Variants in TMEM272 observed in about 807,000 individuals in gnomAD.
TMEM272 encodes transmembrane protein 272.
TMEM272 carries 8 observed loss-of-function variants against 3.7 expected under a neutral mutation model. The observed-to-expected ratio is 2.17, with a 90% confidence interval of 1.27 to 3.91. The LOEUF (loss-of-function observed/expected upper bound fraction) is 3.91. Ranked by LOEUF, TMEM272 falls within the 30% of genes most tolerant of loss-of-function variation. The pLI, the probability that TMEM272 is intolerant of heterozygous loss-of-function variation, is 0.00. For missense variants in TMEM272, 166 were observed against 91.5 expected (o/e 1.81, Z -3.32); for synonymous variants, 63 against 39.8 (o/e 1.58, Z -2.20).
chr13:51,905,955 T>A, the TMEM272 span, among the ~76,000 whole-genome samples: 1 of 152,124 alleles, frequency 6.6e-6, no homozygotes, highest in Non-Finnish European at 1.5e-5. Context: ...GCAGAACAAA[T>A]GACTCACCAG....
chr13:51,919,183 G>A, the TMEM272 span, among the ~76,000 whole-genome samples: 3 of 152,144 alleles, frequency 2.0e-5, no homozygotes, highest in African/African-American at 7.2e-5. Flanking sequence ...CTGTGAAGGT[G>A]AGCCAATGCT....
intron 3 of TMEM272, among the ~76,000 whole-genome samples, chr13:51,826,180 C>A (rs1242285095): frequency 2.7e-5 from 4 of 150,078 alleles, no homozygotes; most frequent in Non-Finnish European, 4.4e-5. Flanking sequence ...CCATACATCA[C>A]CTAACGCCAG....
upstream of TMEM272, among the ~76,000 whole-genome samples, chr13:51,847,602 G>A (rs1956313238): frequency 6.6e-6 from 1 of 152,160 alleles, no homozygotes. Context: ...ATATACCCAT[G>A]GTTCAGTGAT....
At chr13:51,851,673 C>T in the TMEM272 span, among the ~76,000 whole-genome samples, 34 of 152,016 alleles carry the variant, frequency 2.2e-4, no homozygotes, top group East Asian at 3.9e-4. Flanking sequence ...TACAGGCGCA[C>T]GCCACCATGT....
chr13:51,851,683 T>C, the TMEM272 span, among the ~76,000 whole-genome samples: 146,444 of 152,198 alleles, frequency 0.96, 70,472 homozygotes, highest in East Asian at 1. Context: ...CGCCACCATG[T>C]CCAACTAATT....
intron 4 of TMEM272, among the ~76,000 whole-genome samples, chr13:51,820,840 G>A (rs1956072431): frequency 6.6e-6 from 1 of 152,186 alleles, no homozygotes; most frequent in African/African-American, 2.4e-5. Flanking sequence ...GATCCCATGG[G>A]GATGTTGTGA....
chr13:51,819,039 C>T (rs139859612), intron 4 of TMEM272, among the ~76,000 whole-genome samples: 168 of 152,204 alleles, frequency 1.1e-3, no homozygotes, highest in Non-Finnish European at 1.8e-3. Context: ...ACTTGCAGCC[C>T]GGCTGGGAGG....
chr13:51,915,019 C>A, the TMEM272 span, among the ~76,000 whole-genome samples: 1 of 152,252 alleles, frequency 6.6e-6, no homozygotes, highest in African/African-American at 2.4e-5. Flanking sequence ...AAATTAGGTA[C>A]AAAAGTGATG....
chr13:51,890,911 A>C, the TMEM272 span, among the ~76,000 whole-genome samples: 1 of 152,210 alleles, frequency 6.6e-6, no homozygotes, highest in Non-Finnish European at 1.5e-5. Flanking sequence ...AATAAAAGCC[A>C]ATTAGATCTT....
chr13:51,870,270 ACTAT>A, the TMEM272 span, among the ~76,000 whole-genome samples: 3,038 of 152,278 alleles, frequency 0.02, 125 homozygotes, highest in African/African-American at 0.069. Context: ...TGTGTGTGTG[ACTAT>A]CTATTTAACC....
intron 4 of TMEM272, among the ~76,000 whole-genome samples, chr13:51,818,945 T>G (rs1437484780): frequency 4.6e-5 from 7 of 152,050 alleles, no homozygotes; most frequent in Non-Finnish European, 1.5e-5. Flanking sequence ...AGGGCAGTGG[T>G]CCACACCTCT....
At chr13:51,925,267 T>C in the TMEM272 span, among the ~76,000 whole-genome samples, 1 of 152,194 alleles carries the variant, frequency 6.6e-6, no homozygotes, top group Non-Finnish European at 1.5e-5. Flanking sequence ...TCACATTTCA[T>C]CGACTGACTT....
At chr13:51,871,768 AGAT>A in the TMEM272 span, among the ~76,000 whole-genome samples, 1 of 150,730 alleles carries the variant, frequency 6.6e-6, no homozygotes, top group Non-Finnish European at 1.5e-5. Flanking sequence ...ATGCAAAAAT[AGAT>A]AATAATCTCC....
the TMEM272 span, among the ~76,000 whole-genome samples, chr13:51,855,455 G>C: frequency 6.6e-6 from 1 of 151,822 alleles, no homozygotes; most frequent in South Asian, 2.1e-4. Flanking sequence ...AAAACCAAGA[G>C]GGAAAAAAAG....
chr13:51,870,742 C>T, the TMEM272 span, among the ~76,000 whole-genome samples: 18 of 152,180 alleles, frequency 1.2e-4, no homozygotes, highest in Non-Finnish European at 1.6e-4. Context: ...TACAGAGCCA[C>T]CTCCCTCTCA....
At chr13:51,859,819 A>G in the TMEM272 span, among the ~76,000 whole-genome samples, 1 of 152,212 alleles carries the variant, frequency 6.6e-6, no homozygotes, top group Admixed American at 6.5e-5. Context: ...TGAGGCATAA[A>G]GAAACAGGAA....
At chr13:51,863,395 G>A in the TMEM272 span, among the ~76,000 whole-genome samples, 2 of 152,214 alleles carry the variant, frequency 1.3e-5, no homozygotes, top group African/African-American at 2.4e-5. Context: ...AGGGGCAGAT[G>A]AGAGGGTAAG....
the TMEM272 span, among the ~76,000 whole-genome samples, chr13:51,882,762 A>C: frequency 1.3e-5 from 2 of 151,630 alleles, no homozygotes; most frequent in Admixed American, 6.6e-5. Context: ...TAACAAATAA[A>C]AAATATAAAA....
the TMEM272 span, chr13:51,921,679 C>T: frequency 6.6e-6 from 1 of 152,402 alleles, no homozygotes; most frequent in Non-Finnish European, 1.5e-5. Flanking sequence ...CTCTGGGCAA[C>T]TCCTCTTCCA....
Sources: allele counts gnomAD v4.1 joint callset (sites outside exome capture counted in the v4.1 genomes callset), GRCh38; gene constraint gnomAD v4.1.1; transcripts MANE v1.5; gene names NCBI Gene and HGNC (gene_info 2026-07-23, HGNC 2026-07-21).